Variants in ZNF92 observed in about 807,000 individuals in gnomAD.
ZNF92 encodes zinc finger protein 92.
A neutral mutation model predicts 12.4 loss-of-function variants in ZNF92; 11 were observed. The ratio of observed to expected loss-of-function variants is 0.89; its 90% CI spans 0.56 to 1.47. The LOEUF is 1.47. Ranked by LOEUF, ZNF92 falls within the 40% of genes most tolerant of loss-of-function variation. ZNF92 has a pLI of 0.00. For missense variants in ZNF92, 622 were observed against 681.0 expected, an observed-to-expected ratio of 0.91 and a Z score of 0.96; for synonymous variants, 206 against 228.6, an observed-to-expected ratio of 0.90 and a Z score of 0.89.
At chr7:65,389,301 AAT>A (rs1352352629) in intron 3 of ZNF92, among the ~76,000 whole-genome samples, 6 of 152,026 alleles carry the variant, frequency 3.9e-5, no homozygotes, top group Non-Finnish European at 8.8e-5. Context: ...TTCCAAAAAA[AAT>A]AGTTTCTGGG....
At chr7:65,377,607 ATCTAGACTCACTGCAACGGCG>A (rs1793281826) in intron 1 of ZNF92, among the ~76,000 whole-genome samples, 1 of 82,822 alleles carries the variant, frequency 1.2e-5, no homozygotes, top group East Asian at 4.0e-4. Context: ...CACTGGCGCG[ATCTAGACTCACTGCAACGGCG>A]CGATCTAGAC....
chr7:65,381,147 A>C (rs2116346777), intron 1 of ZNF92, among the ~76,000 whole-genome samples: 1 of 152,012 alleles, frequency 6.6e-6, no homozygotes, highest in South Asian at 2.1e-4. Flanking sequence ...AGTAGCTGGG[A>C]TTACAGGCAC....
At chr7:65,376,671 T>G (rs1793250588) in intron 1 of ZNF92, among the ~76,000 whole-genome samples, 1 of 152,080 alleles carries the variant, frequency 6.6e-6, no homozygotes, top group South Asian at 2.1e-4. Flanking sequence ...GGTCTTGAAC[T>G]CCTGACCTCG....
chr7:65,378,055 G>C (rs1263799465), intron 1 of ZNF92, among the ~76,000 whole-genome samples: 2 of 152,188 alleles, frequency 1.3e-5, no homozygotes, highest in Non-Finnish European at 2.9e-5. Flanking sequence ...TGCAAATGGA[G>C]GGAATCAAAC....
chr7:65,390,076 A>C (rs1793671165), intron 3 of ZNF92, among the ~76,000 whole-genome samples: 1 of 152,118 alleles, frequency 6.6e-6, no homozygotes, highest in South Asian at 2.1e-4. Context: ...ATGGTATTAC[A>C]AATAAGATTG....
At chr7:65,388,227 G>T in intron 2 of ZNF92, 199 bp downstream of exon 2, 2 of 399,210 alleles carry the variant, frequency 5.0e-6, no homozygotes, top group Non-Finnish European at 4.3e-6. Flanking sequence ...TTCCTGAGCT[G>T]ATCTATATCC....
rs144955184 is a variant in ZNF92, at chr7:65,382,889, C to T, written c.4-5013C>T. On this transcript the variant is annotated intron_variant, in intron 1 of 3. Transcript: ENST00000328747. Reference sequence around the variant, plus strand: ...TATAAGGCTCAAAGAGACATTAAAACGAGACCACAATTGTGTCTTTCTCTC... The same window carrying T: ...TATAAGGCTCAAAGAGACATTAAAATGAGACCACAATTGTGTCTTTCTCTC... 6.0e-4 allele frequency among the ~76,000 whole-genome samples: 92 copies of T among 152,206 alleles called. 2 individuals are homozygous for T. The East Asian group carries it at 6.4e-3, about 11-fold the overall frequency.
intron 3 of ZNF92, among the ~76,000 whole-genome samples, chr7:65,392,192 T>G (rs1793734931): frequency 1.3e-5 from 2 of 152,074 alleles, no homozygotes; most frequent in Admixed American, 1.3e-4. Context: ...TTATGGCATA[T>G]CTTGTGTATA....
At chr7:65,398,296 C>A in intron 3 of ZNF92, 45 bp from the exon 4 acceptor site, 2 of 1,428,010 alleles carry the variant, frequency 1.4e-6, no homozygotes, top group Non-Finnish European at 1.9e-6. Context: ...GTATATTCAT[C>A]TGAGTCTAGT....
At position 65,399,679 on chromosome 7, in the gene ZNF92, C is replaced by T. The variant is rs781288728; in HGVS notation, c.1565C>T (p.Ser522Leu). Residue 522 changes from serine to leucine, a missense_variant, in exon 4 of 4, where the codon TCA (serine) becomes TTA (leucine). Physicochemically the swap from Ser to Leu is moderately radical, Grantham distance 145 (BLOSUM62 -2). Coordinates refer to ENST00000328747, the MANE Select transcript of ZNF92 (RefSeq NM_152626.4). ...EKCGNAFNQS[S>L]NLTARKIIYT... ...TGTGGCAATGCTTTTAACCAGTCCT[C>T]AAACCTTACTGCACGTAAGATAATT... 27 of 1,613,696 alleles carry T rather than the reference C, an allele frequency of 1.7e-5. No individual in the cohort carries two copies. In the East Asian group the frequency reaches 5.6e-4, roughly 33 times the overall value.
chr7:65,379,241 G>T (rs193193187), intron 1 of ZNF92, among the ~76,000 whole-genome samples: 4 of 152,128 alleles, frequency 2.6e-5, no homozygotes, highest in Admixed American at 6.6e-5. Context: ...ATCAGGGTCC[G>T]TGCAGACTCT....
Position 65,388,814 on chromosome 7 carries a change from G to A in ZNF92, c.139G>A (p.Val47Ile). ...TATTTTTAATAAAACAGGTATTGCT[G>A]TCTCTAAGCCAGACCTGATCACCTG... Reference protein sequence around the residue: ...YRNLVFLGIAVSKPDLITWLE... With the variant: ...YRNLVFLGIAISKPDLITWLE... Residue 47 changes from valine (V) to isoleucine (I), a missense_variant, in exon 3 of 4, where the codon GTC becomes ATC. By Grantham distance (29) the Val-to-Ile change is conservative. Transcript: ENST00000328747. The A allele has an allele frequency of 6.3e-7, 1 of 1,578,554 alleles. No individual in the cohort carries two copies. The highest frequency in any genetic ancestry group is 8.6e-7 in the Non-Finnish European group (1 of 1,159,404).
intron 3 of ZNF92, among the ~76,000 whole-genome samples, chr7:65,390,984 A>G (rs759098457): frequency 4.6e-5 from 7 of 152,046 alleles, no homozygotes; most frequent in South Asian, 4.2e-4. Flanking sequence ...TTGGTGGGCC[A>G]TTTTCTGGTC....
At chr7:65,380,666 T>C (rs554218297) in intron 1 of ZNF92, among the ~76,000 whole-genome samples, 2 of 152,290 alleles carry the variant, frequency 1.3e-5, no homozygotes, top group African/African-American at 4.8e-5. Context: ...AAGATGCATG[T>C]GCATGGGTCT....
At chr7:65,377,317 C>A (rs983841278) in intron 1 of ZNF92, among the ~76,000 whole-genome samples, 5 of 152,000 alleles carry the variant, frequency 3.3e-5, no homozygotes, top group Admixed American at 6.6e-5. Context: ...CAGTTAGGTT[C>A]TTTTTGGGGA....
At chr7:65,381,264 T>G (rs946253194) in intron 1 of ZNF92, among the ~76,000 whole-genome samples, 1 of 152,018 alleles carries the variant, frequency 6.6e-6, no homozygotes, top group Non-Finnish European at 1.5e-5. Flanking sequence ...CCACCCACCT[T>G]GGCCTCCCAG....
chr7:65,395,650 G>C (rs1793828998), intron 3 of ZNF92, among the ~76,000 whole-genome samples: 1 of 152,110 alleles, frequency 6.6e-6, no homozygotes, highest in East Asian at 1.9e-4. Context: ...ATCAATTCAA[G>C]TGAGAGCTAG....
chr7:65,378,090 G>C (rs868844075), intron 1 of ZNF92, among the ~76,000 whole-genome samples: 12 of 151,920 alleles, frequency 7.9e-5, no homozygotes, highest in Non-Finnish European at 1.5e-4. Context: ...GGTGGCTCAT[G>C]CCTGTAATTC....
In ZNF92 at chr7:65,398,650, G is replaced by A. The variant is rs754120249; in HGVS notation, c.536G>A (p.Gly179Asp). Residue 179 changes from glycine (G) to aspartate (D), a missense_variant, in exon 4 of 4, where the codon GGC becomes GAC. Physicochemically the swap from Gly to Asp is moderately conservative, Grantham distance 94. Transcript: ENST00000328747. ...AAACCTTTCAAATGTAAAAACCGTG[G>A]CAAATCATTTTGCATGCTTTCACAA... ...GKKPFKCKNRGKSFCMLSQLT... is the reference protein window; with the variant it reads ...GKKPFKCKNRDKSFCMLSQLT... The A allele has an allele frequency of 1.9e-6, 3 of 1,611,858 alleles. No individual in the cohort carries two copies. The South Asian group carries it at 3.3e-5, about 18-fold the overall frequency.
Sources: gnomAD v4.1 joint callset for allele counts (sites outside exome capture counted in the v4.1 genomes callset) on GRCh38, gnomAD v4.1.1 for gene constraint, MANE v1.5 for transcripts, NCBI Gene and HGNC (gene_info 2026-07-23, HGNC 2026-07-21) for gene names.